FUS: variants seen among roughly 807,000 people sequenced by gnomAD.
FUS encodes FUS RNA binding protein.
Under a neutral mutation model 82.7 loss-of-function variants are expected in FUS, and 5 were observed. That is an observed-to-expected ratio of 0.06 (90% CI 0.03 to 0.13). FUS has a LOEUF of 0.13. Ranked by LOEUF, FUS falls within the 10% of genes least tolerant of loss-of-function variation. The pLI is 1.00. For missense variants in FUS, 512 were observed against 707.8 expected (o/e 0.72, Z 3.14); for synonymous variants, 281 against 247.4 (o/e 1.14, Z -1.27).
downstream of FUS, chr16:31,193,772 A>G (rs774276688): frequency 2.5e-5 from 13 of 529,310 alleles, no homozygotes; most frequent in Non-Finnish European, 4.4e-5. Context: ...AGCTGGGACT[A>G]CAGGTGCTTC....
intron 1 of FUS, among the ~76,000 whole-genome samples, chr16:31,181,128 T>A (rs1454071250): frequency 6.6e-6 from 1 of 152,144 alleles, no homozygotes; most frequent in African/African-American, 2.4e-5. Context: ...TTGGTCAGGC[T>A]GGTCTCGAAC....
At chr16:31,192,190 C>T (rs2144146428), downstream of FUS, 1 of 527,864 alleles carries the variant, frequency 1.9e-6, no homozygotes, top group Non-Finnish European at 3.7e-6. Flanking sequence ...TCACATCCTG[C>T]CTGTACTCAG....
chr16:31,182,534 G>C lies in FUS; in HGVS notation c.60G>C (p.Gln20His). ...ATQSYGAYPTQPGQGYSQQSS... is the reference protein window; with the variant it reads ...ATQSYGAYPTHPGQGYSQQSS... ...TTAGCTATGGGGCCTACCCCACCCAGCCCGGGCAGGGCTATTCCCAGCAGA... is the reference window on the plus strand; with the variant it reads ...TTAGCTATGGGGCCTACCCCACCCACCCCGGGCAGGGCTATTCCCAGCAGA... The change falls in exon 3 of 15, where the codon CAG becomes CAC. Residue 20 changes from glutamine (Q) to histidine (H), a missense_variant. Gln to His is a conservative substitution (Grantham distance 24). This residue lies in a region of FUS where 276 missense variants were observed against 303.3 expected (regional missense o/e 0.91). Transcript: ENST00000254108. 1 of 1,614,162 alleles carries C rather than the reference G, an allele frequency of 6.2e-7. No individual in the cohort carries two copies. Among genetic ancestry groups the C allele is most frequent in the East Asian group, 2.2e-5 (1 of 44,876 alleles).
chr16:31,181,202 A>G (rs981319229), intron 1 of FUS, among the ~76,000 whole-genome samples: 1 of 152,224 alleles, frequency 6.6e-6, no homozygotes, highest in Non-Finnish European at 1.5e-5. Context: ...GACGTAAGCC[A>G]ACCACGCCTG....
At position 31,189,892 on chromosome 16, in the gene FUS, C is replaced by A. The variant is rs528001562; in HGVS notation, c.1066+98C>A. 1.0e-4 allele frequency: 167 copies of A among 1,601,608 alleles called. No homozygotes were observed. The African/African-American group carries it at 2.1e-3, about 21-fold the overall frequency. On this transcript the variant is annotated intron_variant, in intron 10 of 14. Coordinates refer to ENST00000254108, the MANE Select transcript of FUS (RefSeq NM_004960.4). ...TTGAGGGTTCTTTTGAGTCTTCCAA[C>A]ACTTACTTTAGCTGCGGTTTCAGGT...
downstream of FUS, chr16:31,191,872 T>C (rs1052368305): frequency 1.8e-6 from 1 of 544,180 alleles, no homozygotes; most frequent in Non-Finnish European, 3.5e-6. Flanking sequence ...TTACCACATT[T>C]ATTTGCATAC....
At chr16:31,180,893 G>A (rs982235464) in intron 1 of FUS, among the ~76,000 whole-genome samples, 1 of 151,718 alleles carries the variant, frequency 6.6e-6, no homozygotes, top group Non-Finnish European at 1.5e-5. Flanking sequence ...GACGGCCCGA[G>A]AGTTTTTCCC....
At chr16:31,192,453 GT>G (rs1555509894), downstream of FUS, 1 of 520,976 alleles carries the variant, frequency 1.9e-6, no homozygotes, top group East Asian at 4.2e-5. Context: ...GAGCAGAAAG[GT>G]TTTATTTACA....
intron 6 of FUS, chr16:31,185,390 A>G (rs2079253044): frequency 1.6e-6 from 1 of 644,604 alleles, no homozygotes; most frequent in Non-Finnish European, 2.7e-6. Flanking sequence ...ATACCACTGA[A>G]TAGAGATTTT....
At chr16:31,187,777 A>T in intron 7 of FUS, 1 of 237,758 alleles carries the variant, frequency 4.2e-6, no homozygotes, top group Non-Finnish European at 8.3e-6. Flanking sequence ...ATGCTTAAAA[A>T]ATACAATAGC....
chr16:31,183,560 C>G (rs1401024148), intron 3 of FUS: 8 of 431,762 alleles, frequency 1.9e-5, no homozygotes, highest in South Asian at 1.7e-4. Flanking sequence ...GCACGCACAG[C>G]TGCATATTAC....
intron 6 of FUS, 68 bp downstream of exon 6, chr16:31,185,247 A>G (rs987239172): frequency 6.6e-7 from 1 of 1,510,752 alleles, no homozygotes; most frequent in Non-Finnish European, 8.9e-7. Flanking sequence ...ATCTCCCTGA[A>G]GCCAGTCCCT....
At chr16:31,192,880 A>C, downstream of FUS, 1 of 485,640 alleles carries the variant, frequency 2.1e-6, no homozygotes, top group Non-Finnish European at 4.1e-6. Flanking sequence ...CCATCCTCTC[A>C]AATTTTCAAG....
At chr16:31,189,608 T>C in intron 9 of FUS, 57 bp from the exon 10 acceptor site, 1 of 1,612,268 alleles carries the variant, frequency 6.2e-7, no homozygotes, top group Non-Finnish European at 8.5e-7. Flanking sequence ...AGGAAGAAGA[T>C]GGAAAGGGAG....
At chr16:31,188,549 G>A (rs1371261666) in intron 8 of FUS, 192 bp downstream of exon 8, 3 of 668,702 alleles carry the variant, frequency 4.5e-6, no homozygotes, top group Non-Finnish European at 7.8e-6. Context: ...TGGCTTGTGG[G>A]TTCCACCCCC....
At position 31,189,136 on chromosome 16, in the gene FUS, A is replaced by G; in HGVS notation, c.846A>G (p.Ser282=). 6.2e-7 allele frequency: 1 copy of G among 1,613,444 alleles called. No individual in the cohort carries two copies. Among genetic ancestry groups the G allele is most frequent in the Non-Finnish European group, 8.5e-7 (1 of 1,179,360 alleles). The part of the protein sequence containing the change: ...GSRHDSEQDN[S]DNNTIFVQGL... ...TTCAACAAGCAGAACAGGATAATTC[A>G]GACAACAACACCATCTTTGTGCAAG... Residue 282 remains serine (S), a synonymous_variant, in exon 9 of 15, where the codon TCA becomes TCG. Coordinates refer to ENST00000254108, the MANE Select transcript of FUS (RefSeq NM_004960.4).
At chr16:31,185,626 G>A in intron 6 of FUS, 1 of 493,476 alleles carries the variant, frequency 2.0e-6, no homozygotes, top group Non-Finnish European at 4.0e-6. Flanking sequence ...CCAGGAATTG[G>A]CTACTCTTCC....
chr16:31,180,339 C>T lies in FUS; in HGVS notation c.13+112C>T, dbSNP rs944043401. The T allele has an allele frequency of 2.2e-5, 31 of 1,405,282 alleles. No individual in the cohort carries two copies. In the African/African-American group the frequency reaches 3.3e-4, roughly 15 times the overall value. The allele number at this position is 1,405,282 out of a possible 1,614,324, so 87.1% of individuals were successfully genotyped here. On this transcript the variant is annotated intron_variant, in intron 1 of 14. Coordinates refer to ENST00000254108, the MANE Select transcript of FUS (RefSeq NM_004960.4). Reference sequence around the variant, plus strand: ...CGATCCCGTGTGGGATTTTTTGGCGCCCCTGTGGCGGGAAGCCGCGGAGAA... The same window carrying T: ...CGATCCCGTGTGGGATTTTTTGGCGTCCCTGTGGCGGGAAGCCGCGGAGAA...
Position 31,190,818 on chromosome 16 carries a change from G to T in FUS, c.1369G>T (p.Gly457Trp). Residue 457 changes from glycine to tryptophan, a missense_variant, in exon 13 of 15, where the codon GGG becomes TGG. By Grantham distance (184) the Gly-to-Trp change is radical. Transcript: ENST00000254108. Reference protein sequence around the residue: ...CKAPKPDGPGGGPGGSHMGGN... With the variant: ...CKAPKPDGPGWGPGGSHMGGN... ...GGCCCCTAAACCAGATGGCCCAGGAGGGGGACCAGGTGGCTCTCACATGGG... is the reference window on the plus strand; with the variant it reads ...GGCCCCTAAACCAGATGGCCCAGGATGGGGACCAGGTGGCTCTCACATGGG... The T allele has an allele frequency of 6.2e-7, 1 of 1,614,180 alleles. No homozygotes were observed. Among genetic ancestry groups the T allele is most frequent in the Non-Finnish European group, 8.5e-7 (1 of 1,179,994 alleles).
Sources: allele counts gnomAD v4.1 joint callset (sites outside exome capture counted in the v4.1 genomes callset), GRCh38; gene constraint gnomAD v4.1.1; regional missense constraint gnomAD v4.1.1; transcripts MANE v1.5; gene names NCBI Gene and HGNC (gene_info 2026-07-23, HGNC 2026-07-21).